Variants in AFG1L observed in about 807,000 individuals in gnomAD.
AFG1L encodes AFG1-like ATPase.
AFG1L carries 53 observed loss-of-function variants against 62.2 expected under a neutral mutation model. The ratio of observed to expected loss-of-function variants is 0.85; its 90% confidence interval spans 0.68 to 1.07. AFG1L has a LOEUF of 1.07. Among genes scored for constraint, AFG1L ranks in the 50% least tolerant of loss-of-function variants. The pLI is 0.00. For missense variants in AFG1L, 555 were observed against 590.5 expected, an observed-to-expected ratio of 0.94 and a Z score of 0.62; for synonymous variants, 228 against 210.3, an observed-to-expected ratio of 1.08 and a Z score of -0.73.
intron 10 of AFG1L, among the ~76,000 whole-genome samples, chr6:108,488,377 G>A (rs975530599): frequency 6.6e-6 from 1 of 152,172 alleles, no homozygotes; most frequent in Non-Finnish European, 1.5e-5. Context: ...AGTATGACCA[G>A]AATGCTATGG....
chr6:108,511,102 AAAGAAG>A (rs1027400723), intron 11 of AFG1L, among the ~76,000 whole-genome samples: 5 of 150,810 alleles, frequency 3.3e-5, no homozygotes, highest in African/African-American at 9.8e-5. Context: ...AAAAAAAAAA[AAAGAAG>A]AAGAAGAAGA....
At chr6:108,499,162 G>A (rs1425881726) in intron 10 of AFG1L, among the ~76,000 whole-genome samples, 1 of 149,824 alleles carries the variant, frequency 6.7e-6, no homozygotes, top group African/African-American at 2.5e-5. Flanking sequence ...TCTGCCTCCT[G>A]CGTTCAAGCC....
chr6:108,468,400 C>T (rs1051770834), intron 8 of AFG1L, among the ~76,000 whole-genome samples: 3 of 152,244 alleles, frequency 2.0e-5, no homozygotes, highest in Admixed American at 6.5e-5. Context: ...TTCAAGCTTC[C>T]ATTATTGCTG....
At chr6:108,412,398 TCAGGAAATA>T (rs1782158533) in intron 7 of AFG1L, among the ~76,000 whole-genome samples, 1 of 152,054 alleles carries the variant, frequency 6.6e-6, no homozygotes, top group Non-Finnish European at 1.5e-5. Context: ...ACATTCAAAT[TCAGGAAATA>T]CAGAGAACGC....
chr6:108,444,160 C>A (rs1448867023), intron 7 of AFG1L, among the ~76,000 whole-genome samples: 1 of 151,930 alleles, frequency 6.6e-6, no homozygotes, highest in Non-Finnish European at 1.5e-5. Context: ...TACTGCAATA[C>A]AACAGTATTG....
intron 7 of AFG1L, among the ~76,000 whole-genome samples, chr6:108,430,055 C>A (rs1771002393): frequency 2.0e-5 from 3 of 152,048 alleles, no homozygotes; most frequent in African/African-American, 7.2e-5. Flanking sequence ...TCAAGCAGTT[C>A]TCCTGCCTCA....
intron 6 of AFG1L, among the ~76,000 whole-genome samples, chr6:108,395,806 G>C (rs1481738478): frequency 6.6e-6 from 1 of 151,214 alleles, no homozygotes; most frequent in Non-Finnish European, 1.5e-5. Context: ...GGGAGGGAAG[G>C]AGAGAGAGAG....
chr6:108,452,676 A>AC (rs147104435), intron 8 of AFG1L, among the ~76,000 whole-genome samples: 5 of 152,256 alleles, frequency 3.3e-5, no homozygotes, highest in African/African-American at 1.2e-4. Flanking sequence ...GACAACAGAG[A>AC]CCTGGGTCAG....
At chr6:108,304,387 A>G (rs759591377) in intron 1 of AFG1L, among the ~76,000 whole-genome samples, 2 of 152,204 alleles carry the variant, frequency 1.3e-5, no homozygotes, top group Non-Finnish European at 2.9e-5. Context: ...TCTTTTGGGT[A>G]TGATTAGAAC....
chr6:108,495,572 T>C (rs761752681), intron 10 of AFG1L, among the ~76,000 whole-genome samples: 7 of 152,238 alleles, frequency 4.6e-5, no homozygotes, highest in Non-Finnish European at 1.0e-4. Flanking sequence ...AAATTCCCAC[T>C]TCTGGCACCA....
chr6:108,494,315 T>C (rs957582429), intron 10 of AFG1L, among the ~76,000 whole-genome samples: 1 of 151,924 alleles, frequency 6.6e-6, no homozygotes, highest in Admixed American at 6.6e-5. Flanking sequence ...TCTCCAGAAT[T>C]TGGAGATCTC....
chr6:108,422,847 A>G (rs1304496288), intron 7 of AFG1L, among the ~76,000 whole-genome samples: 2 of 152,010 alleles, frequency 1.3e-5, no homozygotes, highest in Non-Finnish European at 2.9e-5. Context: ...TAGTTTTACT[A>G]TGACGTTTTG....
intron 10 of AFG1L, among the ~76,000 whole-genome samples, chr6:108,489,652 A>G (rs1773701433): frequency 1.3e-5 from 2 of 152,196 alleles, no homozygotes; most frequent in South Asian, 4.1e-4. Context: ...CAAGATAAAT[A>G]GAAGAGAAAT....
At chr6:108,486,094 A>G (rs1773561628) in intron 10 of AFG1L, among the ~76,000 whole-genome samples, 1 of 152,180 alleles carries the variant, frequency 6.6e-6, no homozygotes, top group African/African-American at 2.4e-5. Flanking sequence ...TAAACAGAAG[A>G]CCTGTATGAA....
At chr6:108,439,043 A>T (rs1408167355) in intron 7 of AFG1L, among the ~76,000 whole-genome samples, 2 of 152,246 alleles carry the variant, frequency 1.3e-5, no homozygotes, top group East Asian at 3.9e-4. Context: ...CGATAATGTT[A>T]AAAATTTAGA....
intron 6 of AFG1L, among the ~76,000 whole-genome samples, chr6:108,395,937 G>A (rs1781279654): frequency 6.6e-6 from 1 of 152,054 alleles, no homozygotes; most frequent in African/African-American, 2.4e-5. Context: ...CGACATACAG[G>A]GTTCAAGCAA....
intron 10 of AFG1L, among the ~76,000 whole-genome samples, chr6:108,489,242 A>C (rs1773685389): frequency 6.6e-6 from 1 of 152,236 alleles, no homozygotes; most frequent in African/African-American, 2.4e-5. Flanking sequence ...AAGTATAAGG[A>C]GAAATCTGGG....
rs1489481822 is a variant in AFG1L, at chr6:108,523,650, TA to T, written c.*1226del. The T allele has an allele frequency of 6.6e-6, 1 of 152,122 alleles. No homozygotes were observed. The highest frequency in any genetic ancestry group is 1.5e-5 in the Non-Finnish European group (1 of 68,022). The allele number at this position is 152,122 out of a possible 1,614,324, so 9.4% of individuals were successfully genotyped here. On this transcript the variant is annotated 3_prime_UTR_variant, in exon 13 of 13. Coordinates refer to ENST00000368977, the MANE Select transcript of AFG1L (RefSeq NM_145315.5). ...TCTATTTATTATTATTTTTATTTTT[TA>T]TATCTTGGCCACTCTAGCCATCTCC...
chr6:108,303,798 A>C (rs995687282), intron 1 of AFG1L, among the ~76,000 whole-genome samples: 7 of 152,220 alleles, frequency 4.6e-5, no homozygotes, highest in African/African-American at 1.7e-4. Context: ...GTGTGTATAA[A>C]ATTTAAACTA....
Sources: gnomAD v4.1 joint callset for allele counts (sites outside exome capture counted in the v4.1 genomes callset) on GRCh38, gnomAD v4.1.1 for gene constraint, MANE v1.5 for transcripts, NCBI Gene and HGNC (gene_info 2026-07-23, HGNC 2026-07-21) for gene names.